GRHL3: variants seen among roughly 807,000 people sequenced by gnomAD.
The protein encoded by GRHL3 is grainyhead like transcription factor 3, also known as grainyhead-like protein 3 homolog.
Under a neutral mutation model 70.3 loss-of-function variants are expected in GRHL3, and 20 were observed. The observed-to-expected ratio is 0.28, with a 90% confidence interval of 0.20 to 0.41. GRHL3 has a LOEUF of 0.41. Ranked by LOEUF, GRHL3 falls within the 10% of genes least tolerant of loss-of-function variation. The pLI is 1.00. For missense variants in GRHL3, 637 were observed against 762.3 expected, an observed-to-expected ratio of 0.84 and a Z score of 1.94; for synonymous variants, 299 against 299.9, an observed-to-expected ratio of 1.00 and a Z score of 0.03.
intron 3 of GRHL3, among the ~76,000 whole-genome samples, chr1:24,335,014 AACACACACACACACACACAC>A (rs35646472): frequency 3.8e-4 from 52 of 137,044 alleles, no homozygotes; most frequent in African/African-American, 1.2e-3. Flanking sequence ...TCAGCTTGAA[AACACACACACACACACACAC>A]ACACACACAC....
At position 24,343,776 on chromosome 1, in the gene GRHL3, G is replaced by A. The variant is rs553799003; in HGVS notation, c.1419+751G>A. ...AGTCTGAGCATTTCCTTCCTTTAAGGGTACAGCTCCGCACTGTTTCTTCAG... is the reference window on the plus strand; with the variant it reads ...AGTCTGAGCATTTCCTTCCTTTAAGAGTACAGCTCCGCACTGTTTCTTCAG... On this transcript the variant is annotated intron_variant, in intron 11 of 15. Coordinates refer to ENST00000361548, the MANE Select transcript of GRHL3 (RefSeq NM_198173.3). 8.5e-5 allele frequency among the ~76,000 whole-genome samples: 13 copies of A among 152,286 alleles called. No homozygotes were observed. In the East Asian group the frequency reaches 2.5e-3, roughly 29 times the overall value.
chr1:24,319,928 G>T (rs1639117914), intron 1 of GRHL3: 1 of 362,918 alleles, frequency 2.8e-6, no homozygotes, highest in Non-Finnish European at 5.2e-6. Context: ...CTTGCCAAAA[G>T]GAACTTCTTT....
intron 1 of GRHL3, among the ~76,000 whole-genome samples, chr1:24,327,353 C>T (rs949487378): frequency 6.6e-6 from 1 of 152,218 alleles, no homozygotes; most frequent in Non-Finnish European, 1.5e-5. Flanking sequence ...TTATCTGTCT[C>T]ATTTTAGTTG....
At position 24,345,551 on chromosome 1, in the gene GRHL3, G is replaced by GA. The variant is rs569116493; in HGVS notation, c.1454+623dup. On this transcript the variant is annotated intron_variant, in intron 12 of 15. Coordinates refer to ENST00000361548, the MANE Select transcript of GRHL3 (RefSeq NM_198173.3). ...GGCGAGACACCCGCTTGTAAAAAGGGAAAGGAAAAGAGTCTGTGGTGGTGC... is the reference window on the plus strand; with the variant it reads ...GGCGAGACACCCGCTTGTAAAAAGGGAAAAGGAAAAGAGTCTGTGGTGGTGC... Among the ~76,000 whole-genome samples the GA allele has an allele frequency of 6.4e-4, 97 of 151,042 alleles. 2 individuals carry two copies. In the East Asian group the frequency reaches 0.017, roughly 26 times the overall value.
At position 24,354,798 on chromosome 1, in the gene GRHL3, G is replaced by T; in HGVS notation, c.*310G>T. The T allele has an allele frequency of 4.6e-6, 1 of 219,102 alleles. No homozygotes were observed. The highest frequency in any genetic ancestry group is 9.2e-6 in the Non-Finnish European group (1 of 109,170). 13.6% of individuals were successfully genotyped at this position (219,102 alleles called of 1,614,324 possible). On this transcript the variant is annotated 3_prime_UTR_variant, in exon 16 of 16. Coordinates refer to ENST00000361548, the MANE Select transcript of GRHL3 (RefSeq NM_198173.3). ...ACTGTTCCCTCCTCCCAAGACCCTT[G>T]TCTGCAGTGGTGCTCCTGCAGGCTG...
intron 15 of GRHL3, among the ~76,000 whole-genome samples, chr1:24,352,579 C>G (rs373681760): frequency 6.1e-4 from 93 of 152,274 alleles, no homozygotes; most frequent in African/African-American, 2.1e-3. Context: ...CAGATGTGAG[C>G]AGGTGTGAGC....
chr1:24,351,395 C>A (rs1254390439), intron 15 of GRHL3, among the ~76,000 whole-genome samples: 1 of 141,290 alleles, frequency 7.1e-6, no homozygotes, highest in Non-Finnish European at 1.5e-5. Context: ...TCCCTGCAGC[C>A]CCTGGGAAGG....
rs577203913 is a variant in GRHL3 at position 24,337,813 on chromosome 1, A to C, written c.840+24A>C. 2.6e-5 allele frequency: 42 copies of C among 1,613,944 alleles called. No individual in the cohort carries two copies. The African/African-American group carries it at 4.9e-4, about 19-fold the overall frequency. On this transcript the variant is annotated intron_variant, in intron 6 of 15. Coordinates refer to ENST00000361548, the MANE Select transcript of GRHL3 (RefSeq NM_198173.3). ...AGGTGCGTTGGCCTGGAGCAGCTTC[A>C]GAAGGGGTGGAATGGGGCAAGATAT...
At chr1:24,362,668 C>G (rs566811225) in intron 15 of GRHL3, among the ~76,000 whole-genome samples, 2 of 152,324 alleles carry the variant, frequency 1.3e-5, no homozygotes, top group East Asian at 3.9e-4. Flanking sequence ...TGGTGACAGA[C>G]AGGCAACTGA....
rs748463811 is a variant in GRHL3, at chr1:24,354,464, T to G, written c.1785T>G (p.Ile595Met). 2 of 1,613,156 alleles carry G rather than the reference T, an allele frequency of 1.2e-6. No individual in the cohort carries two copies. Among genetic ancestry groups the G allele is most frequent in the Non-Finnish European group, 1.7e-6 (2 of 1,179,426 alleles). ...ACATGGGGGAGCTGGACGGCAAAAT[T>G]CAGATCATCCTTAAGGAGCTGTAAG... Reference protein sequence around the residue: ...LLDMGELDGKIQIILKEL With the variant: ...LLDMGELDGKMQIILKEL Residue 595 changes from isoleucine (I) to methionine (M), a missense_variant, in exon 16 of 16, where the codon ATT (isoleucine) becomes ATG (methionine). Coordinates refer to ENST00000361548, the MANE Select transcript of GRHL3 (RefSeq NM_198173.3).
chr1:24,339,253 C>A (rs891260378), intron 7 of GRHL3, among the ~76,000 whole-genome samples: 2 of 150,294 alleles, frequency 1.3e-5, no homozygotes, highest in Admixed American at 1.3e-4. Flanking sequence ...GAATGTATGC[C>A]CCTGCCAAGA....
intron 5 of GRHL3, 80 bp from the exon 6 acceptor site, chr1:24,337,556 C>G: frequency 6.9e-7 from 1 of 1,448,600 alleles, no homozygotes; most frequent in Non-Finnish European, 9.5e-7. Flanking sequence ...AACATAGCCT[C>G]AGGCTTCCTG....
Position 24,336,904 on chromosome 1 carries a change from T to G in GRHL3, c.612+77T>G, listed in dbSNP as rs1043213760. 9 of 1,353,752 alleles carry G rather than the reference T, an allele frequency of 6.6e-6. No individual in the cohort carries two copies. The African/African-American group carries it at 1.0e-4, about 15-fold the overall frequency. The allele number at this position is 1,353,752 out of a possible 1,614,324, so 83.9% of individuals were successfully genotyped here. A position where few individuals can be genotyped will look rare whatever the true frequency, so the allele number is the denominator to read the frequency against. On this transcript the variant is annotated intron_variant, in intron 4 of 15. Transcript: ENST00000361548. ...AGAATGAGAGAAGATAGTGAACAGA[T>G]CAGAGCTTTGGAATCCATGGGGGAA...
rs1337027892 is a variant in GRHL3, at chr1:24,342,911, G to A, written c.1305G>A (p.Leu435=). The change falls in exon 11 of 16, where the codon CTG becomes CTA. Residue 435 remains leucine, a synonymous_variant. Coordinates refer to ENST00000361548, the MANE Select transcript of GRHL3 (RefSeq NM_198173.3). The surrounding 1 kb of genome is among the most constrained non-coding windows in gnomAD (Gnocchi z 4.8). ...CATCAGGCGTCAAGGGCTGCCTGCT[G>A]TCGGGCTTCAGGGGCAATGAGACGA... ...SSNSGVKGCL[L]SGFRGNETTY... is the part of the protein sequence containing the mutation. 1 of 1,614,212 alleles carries A rather than the reference G, an allele frequency of 6.2e-7. No homozygotes were observed. The highest frequency in any genetic ancestry group is 1.3e-5 in the African/African-American group (1 of 75,050).
intron 14 of GRHL3, among the ~76,000 whole-genome samples, chr1:24,349,724 A>C (rs1640429901): frequency 6.6e-6 from 1 of 152,230 alleles, no homozygotes; most frequent in Non-Finnish European, 1.5e-5. Context: ...GCCACTAAAA[A>C]TGCTGCTTGA....
In GRHL3 at chr1:24,363,616, GAAGA is replaced by G. The variant is rs148569290; in HGVS notation, c.1695-568_1695-565del. The stretch of plus-strand genomic sequence containing the variant: ...TAATACCTACTACCCAGATTGTTAG[GAAGA>G]TTGTGCTTTACTTGTAACATTTGTT... On this transcript the variant is annotated intron_variant, in intron 15 of 15. Transcript: ENST00000350501. 8.3e-3 allele frequency among the ~76,000 whole-genome samples: 1,258 copies of G among 152,344 alleles called. 11 individuals are homozygous for G. The highest frequency in any genetic ancestry group is 0.027 in the African/African-American group (1,132 of 41,564).
Position 24,331,519 on chromosome 1 carries a change from A to C in GRHL3, c.111A>C (p.Glu37Asp). 1 of 1,614,166 alleles carries C rather than the reference A, an allele frequency of 6.2e-7. No individual in the cohort carries two copies. The highest frequency in any genetic ancestry group is 8.5e-7 in the Non-Finnish European group (1 of 1,180,016). ...SEDEAWKTYLENPLTAATKAM... is the reference protein window; with the variant it reads ...SEDEAWKTYLDNPLTAATKAM... The stretch of plus-strand genomic sequence containing the variant: ...ATGAGGCCTGGAAGACGTACCTAGA[A>C]AACCCGTTGACAGCTGCCACAAAGG... The change falls in exon 2 of 16, where the codon GAA becomes GAC. Residue 37 changes from glutamate to aspartate, a missense_variant. Transcript: ENST00000361548.
intron 3 of GRHL3, 53 bp from the exon 4 acceptor site, chr1:24,336,428 AC>A: frequency 4.8e-6 from 6 of 1,238,320 alleles, no homozygotes; most frequent in Admixed American, 2.3e-5. Flanking sequence ...CTAGCCAAAG[AC>A]CCCCCTTTAC....
intron 15 of GRHL3, among the ~76,000 whole-genome samples, chr1:24,362,054 G>A (rs1006286837): frequency 6.6e-6 from 1 of 152,144 alleles, no homozygotes; most frequent in Admixed American, 6.5e-5. Flanking sequence ...CACCAAAAGG[G>A]GAGAGGAGGT....
Sources: allele counts gnomAD v4.1 joint callset (sites outside exome capture counted in the v4.1 genomes callset), GRCh38; gene constraint gnomAD v4.1.1; non-coding constraint Gnocchi (gnomAD v3.1); transcripts MANE v1.5; gene names NCBI Gene and HGNC (gene_info 2026-07-23, HGNC 2026-07-21).